GLIS3: variants seen among roughly 807,000 people sequenced by gnomAD.
GLIS3 encodes the protein zinc finger protein GLIS3.
Under a neutral mutation model 78.6 loss-of-function variants are expected in GLIS3, and 53 were observed. That is an observed-to-expected ratio of 0.67 (90% confidence interval 0.54 to 0.85). The LOEUF (loss-of-function observed/expected upper bound fraction) is 0.85. GLIS3 is among the 40% of genes least tolerant of loss of function. The probability of loss-of-function intolerance (pLI) is 0.00; values close to 1 mark genes in which losing one functional copy is unlikely to be tolerated. For missense variants in GLIS3, 1,703 were observed against 1,231.1 expected (o/e 1.38, Z -5.74); for synonymous variants, 684 against 509.9 (o/e 1.34, Z -4.60).
At chr9:3,859,596 C>G (rs1441402523) in intron 8 of GLIS3, among the ~76,000 whole-genome samples, 2 of 152,144 alleles carry the variant, frequency 1.3e-5, no homozygotes, top group Non-Finnish European at 2.9e-5. Context: ...ATCAAGATGA[C>G]ATCACTCCCA....
chr9:3,891,382 T>G (rs1361467900), intron 7 of GLIS3, among the ~76,000 whole-genome samples: 1 of 152,182 alleles, frequency 6.6e-6, no homozygotes, highest in Non-Finnish European at 1.5e-5. Flanking sequence ...TCACAGGGAT[T>G]GTACAAAACG....
chr9:4,018,800 G>A (rs1188489770), intron 4 of GLIS3, among the ~76,000 whole-genome samples: 1 of 152,184 alleles, frequency 6.6e-6, no homozygotes, highest in Non-Finnish European at 1.5e-5. Context: ...TCACTGCAAT[G>A]GAGGGAAAGA....
intron 2 of GLIS3, among the ~76,000 whole-genome samples, chr9:4,281,263 T>C (rs987010190): frequency 1.3e-5 from 2 of 152,236 alleles, no homozygotes; most frequent in Admixed American, 6.5e-5. Flanking sequence ...TTTGCTCTTT[T>C]AAAATTGTGG....
chr9:4,053,863 T>C (rs1825926194), intron 4 of GLIS3, among the ~76,000 whole-genome samples: 1 of 152,204 alleles, frequency 6.6e-6, no homozygotes, highest in South Asian at 2.1e-4. Context: ...TTTCTTTATG[T>C]TGCACAGACC....
At chr9:4,033,479 T>C (rs908557912) in intron 4 of GLIS3, among the ~76,000 whole-genome samples, 11 of 152,100 alleles carry the variant, frequency 7.2e-5, no homozygotes, top group African/African-American at 2.7e-4. Flanking sequence ...TAGGTACACC[T>C]TCCTGGACGT....
At chr9:4,266,315 C>G (rs1174409543) in intron 2 of GLIS3, among the ~76,000 whole-genome samples, 1 of 152,090 alleles carries the variant, frequency 6.6e-6, no homozygotes, top group African/African-American at 2.4e-5. Context: ...CTTCCAGTAT[C>G]TGACTATGCA....
At chr9:3,867,519 T>G (rs963192982) in intron 8 of GLIS3, among the ~76,000 whole-genome samples, 1 of 152,214 alleles carries the variant, frequency 6.6e-6, no homozygotes. Flanking sequence ...CATTCTACCC[T>G]GGAATAAACA....
At chr9:4,399,299 A>G in the GLIS3 span, among the ~76,000 whole-genome samples, 8 of 152,188 alleles carry the variant, frequency 5.3e-5, no homozygotes, top group African/African-American at 1.9e-4. Flanking sequence ...CTTGGGGTAA[A>G]TAGTGATTTA....
chr9:4,430,360 A>G, the GLIS3 span, among the ~76,000 whole-genome samples: 13 of 147,430 alleles, frequency 8.8e-5, no homozygotes, highest in Admixed American at 8.5e-4. Flanking sequence ...TGGGTCACAC[A>G]TAACATATCT....
chr9:3,829,185 G>A, intron 10 of GLIS3, 125 bp downstream of exon 10: 2 of 780,416 alleles, frequency 2.6e-6, no homozygotes, highest in South Asian at 1.5e-5. Flanking sequence ...CATTTCAGGG[G>A]TCGTTCAACA....
At chr9:4,195,167 C>T (rs911193845) in intron 2 of GLIS3, among the ~76,000 whole-genome samples, 8 of 152,358 alleles carry the variant, frequency 5.3e-5, no homozygotes, top group Admixed American at 1.3e-4. Flanking sequence ...TTGCTCTCAG[C>T]GCCTCCTCGG....
At chr9:4,414,905 C>T in the GLIS3 span, among the ~76,000 whole-genome samples, 1 of 151,838 alleles carries the variant, frequency 6.6e-6, no homozygotes, top group Admixed American at 6.6e-5. Context: ...CTGAAGTTTC[C>T]TTTTAGTAAT....
intron 4 of GLIS3, among the ~76,000 whole-genome samples, chr9:3,947,263 T>A (rs1300515246): frequency 6.6e-6 from 1 of 152,254 alleles, no homozygotes; most frequent in African/African-American, 2.4e-5. Context: ...AGAATTGGCT[T>A]GCTTGGTTTA....
intron 2 of GLIS3, among the ~76,000 whole-genome samples, chr9:4,228,008 A>T (rs1821923382): frequency 6.6e-6 from 1 of 152,152 alleles, no homozygotes. Flanking sequence ...GATGAGCCCC[A>T]CTGTATCCAT....
intron 2 of GLIS3, among the ~76,000 whole-genome samples, chr9:4,155,117 C>G (rs1345454928): frequency 1.3e-5 from 2 of 152,038 alleles, no homozygotes; most frequent in Non-Finnish European, 2.9e-5. Flanking sequence ...AGATAAGTTT[C>G]TTTTATTCTT....
intron 4 of GLIS3, among the ~76,000 whole-genome samples, chr9:3,964,806 G>A (rs1817807597): frequency 6.6e-6 from 1 of 152,148 alleles, no homozygotes; most frequent in South Asian, 2.1e-4. Context: ...GGACATGAGT[G>A]TGAGGTAATG....
At position 4,330,047 on chromosome 9, in the gene GLIS3, T is replaced by C. The variant is rs535793286; in HGVS notation, n.264+17034A>G. On this transcript the variant is annotated intron_variant and non_coding_transcript_variant, in intron 2 of 4. Transcript: ENST00000471664. ...GCTGGAGGTTTTCACATACCCTTAA[T>C]GAAAATTAACACTTTCCATCAGGAA... is the stretch of plus-strand genomic sequence containing the variant. Among the ~76,000 whole-genome samples, 115 of 152,364 alleles carry C rather than the reference T, an allele frequency of 7.5e-4. 1 individual carries two copies. Among genetic ancestry groups the C allele is most frequent in the Non-Finnish European group, 1.0e-4 (7 of 68,038 alleles).
chr9:3,855,833 C>A, intron 9 of GLIS3, 176 bp downstream of exon 9: 2 of 715,188 alleles, frequency 2.8e-6, no homozygotes, highest in Non-Finnish European at 4.9e-6. Context: ...AGGCCAAAGT[C>A]AGGAAAATAC....
intron 1 of GLIS3, among the ~76,000 whole-genome samples, chr9:4,295,217 G>C (rs1039139406): frequency 6.6e-6 from 1 of 152,012 alleles, no homozygotes; most frequent in African/African-American, 2.4e-5. Flanking sequence ...TGGCCCTCAC[G>C]AAAGGACGGT....
Sources: allele counts gnomAD v4.1 joint callset (sites outside exome capture counted in the v4.1 genomes callset), GRCh38; gene constraint gnomAD v4.1.1; transcripts MANE v1.5; gene names NCBI Gene and HGNC (gene_info 2026-07-23, HGNC 2026-07-21).